ZNF607: variants seen among roughly 807,000 people sequenced by gnomAD.
The protein encoded by ZNF607 is zinc finger protein 607.
Under a neutral mutation model 12.8 loss-of-function variants are expected in ZNF607, and 5 were observed. The ratio of observed to expected loss-of-function variants is 0.39; its 90% confidence interval spans 0.20 to 0.82. ZNF607 has a LOEUF of 0.82. Ranked by LOEUF, ZNF607 falls within the 40% of genes least tolerant of loss-of-function variation. ZNF607 has a pLI of 0.39. For missense variants in ZNF607, 851 were observed against 859.2 expected (o/e 0.99, Z 0.12); for synonymous variants, 287 against 276.2 (o/e 1.04, Z -0.39).
At position 37,699,129 on chromosome 19, in the gene ZNF607, C is replaced by G. The variant is rs369953157; in HGVS notation, c.1002G>C (p.Glu334Asp). 5.0e-6 allele frequency: 8 copies of G among 1,614,032 alleles called. No individual in the cohort carries two copies. In the African/African-American group the frequency reaches 1.1e-4, roughly 22 times the overall value. Residue 334 changes from glutamate (E) to aspartate (D), a missense_variant, in exon 5 of 5, where the codon GAG becomes GAC. Glu to Asp is a conservative substitution (Grantham distance 45). Transcript: ENST00000355202. ...LTMHQRIYSG[E>D]KHYECKENGE... ...CATTTTCTTTACATTCATAGTGTTT[C>G]TCCCCTGAATAAATTCTCTGATGCA...
chr19:37,705,017 GCAAATCAAACC>G (rs1279643219), intron 4 of ZNF607, among the ~76,000 whole-genome samples: 1 of 151,332 alleles, frequency 6.6e-6, no homozygotes, highest in Non-Finnish European at 1.5e-5. Context: ...AAAAAGAGGA[GCAAATCAAACC>G]CAAAGCAAGA....
At chr19:37,706,411 G>A (rs928649283) in intron 4 of ZNF607, 3 of 152,444 alleles carry the variant, frequency 2.0e-5, no homozygotes, top group South Asian at 4.2e-4. Flanking sequence ...GTTCGTCTGC[G>A]TAGGAGTTAG....
chr19:37,699,819 A>T lies in ZNF607; in HGVS notation c.312T>A (p.His104Gln), dbSNP rs2045023167. Residue 104 changes from histidine (H) to glutamine (Q), a missense_variant, in exon 5 of 5, where the codon CAT (histidine) becomes CAA (glutamine). By Grantham distance (24) the His-to-Gln change is conservative (BLOSUM62 0). Transcript: ENST00000355202. ...LYRKHSCVTL[H>Q]QRIHNGQKPY... ...GTTTCTGTCCATTATGAATTCTCTG[A>T]TGGAGAGTAACACATGAGTGTTTCC... 1 of 1,613,874 alleles carries T rather than the reference A, an allele frequency of 6.2e-7. No homozygotes were observed. Among genetic ancestry groups the T allele is most frequent in the African/African-American group, 1.3e-5 (1 of 75,060 alleles).
In ZNF607 at chr19:37,719,426, C is replaced by T. The variant is rs1399206871; in HGVS notation, c.-232G>A. ...GAGGAGGCGGGAGACTCGCCCGGCC[C>T]GCCTGGGGGCCTCCGCGCTCTGAGC... On this transcript the variant is annotated 5_prime_UTR_variant, in exon 1 of 5. Coordinates refer to ENST00000355202, the MANE Select transcript of ZNF607 (RefSeq NM_032689.5). The T allele has an allele frequency of 6.6e-6, 1 of 152,646 alleles. No homozygotes were observed. Among genetic ancestry groups the T allele is most frequent in the Non-Finnish European group, 1.5e-5 (1 of 68,102 alleles). 9.5% of individuals were successfully genotyped at this position (152,646 alleles called of 1,614,324 possible). A position where few individuals can be genotyped will look rare whatever the true frequency, so the allele number is the denominator to read the frequency against.
rs1295381829 is a variant in ZNF607, at chr19:37,696,832, G to A, written c.*1208C>T. On this transcript the variant is annotated 3_prime_UTR_variant, in exon 5 of 5. Coordinates refer to ENST00000355202, the MANE Select transcript of ZNF607 (RefSeq NM_032689.5). Reference sequence around the variant, plus strand: ...GGCCGCCTTTTCCACCACAAATCTGGCGCTCTCTGCTTCCTGGGGGGCCAC... The same window carrying A: ...GGCCGCCTTTTCCACCACAAATCTGACGCTCTCTGCTTCCTGGGGGGCCAC... 7.3e-6 allele frequency: 7 copies of A among 957,452 alleles called. No individual in the cohort carries two copies. The highest frequency in any genetic ancestry group is 1.0e-5 in the Non-Finnish European group (6 of 602,138). The allele number at this position is 957,452 out of a possible 1,614,324, so 59.3% of individuals were successfully genotyped here.
chr19:37,708,408 C>A (rs1342787054), intron 3 of ZNF607, among the ~76,000 whole-genome samples: 1 of 151,624 alleles, frequency 6.6e-6, no homozygotes, highest in Non-Finnish European at 1.5e-5. Flanking sequence ...GTTGGCCAGG[C>A]TGGTCTCGAA....
rs369953157 is a variant in ZNF607, at chr19:37,699,129, C to A, written c.1002G>T (p.Glu334Asp). The stretch of plus-strand genomic sequence containing the variant: ...CATTTTCTTTACATTCATAGTGTTT[C>A]TCCCCTGAATAAATTCTCTGATGCA... ...LTMHQRIYSGEKHYECKENGE... is the reference protein window; with the variant it reads ...LTMHQRIYSGDKHYECKENGE... Residue 334 changes from glutamate to aspartate, a missense_variant, in exon 5 of 5, where the codon GAG becomes GAT. Coordinates refer to ENST00000355202, the MANE Select transcript of ZNF607 (RefSeq NM_032689.5). The A allele has an allele frequency of 1.1e-5, 18 of 1,614,150 alleles. No individual in the cohort carries two copies. Among genetic ancestry groups the A allele is most frequent in the Non-Finnish European group, 1.5e-5 (18 of 1,180,008 alleles).
Position 37,709,510 on chromosome 19 carries a change from G to C in ZNF607, c.136+186C>G, listed in dbSNP as rs149639422. ...GAGGTGTGAATGTCACTGAAAGATA[G>C]AGAAGATGAAAGTGTTGAAAGGACC... On this transcript the variant is annotated intron_variant, in intron 3 of 4. Transcript: ENST00000355202. Among the ~76,000 whole-genome samples, 21 of 152,294 alleles carry C rather than the reference G, an allele frequency of 1.4e-4. No homozygotes were observed. The East Asian group carries it at 4.0e-3, about 29-fold the overall frequency.
rs921127109 is a variant in ZNF607 at position 37,711,687 on chromosome 19, C to G, written c.-69G>C. On this transcript the variant is annotated 5_prime_UTR_variant, in exon 2 of 5. Coordinates refer to ENST00000355202, the MANE Select transcript of ZNF607 (RefSeq NM_032689.5). ...ACCAGAAGAGCAAAGTCAAAAGAAC[C>G]AAGACCTGAAAGAAGAGAAGACCTT... 8 of 1,539,738 alleles carry G rather than the reference C, an allele frequency of 5.2e-6. No homozygotes were observed. In the African/African-American group the frequency reaches 1.1e-4, roughly 21 times the overall value.
In ZNF607 at chr19:37,698,521, T is replaced by C; in HGVS notation, c.1610A>G (p.Lys537Arg). The C allele has an allele frequency of 6.2e-7, 1 of 1,611,968 alleles. No homozygotes were observed. The highest frequency in any genetic ancestry group is 8.5e-7 in the Non-Finnish European group (1 of 1,178,228). ...AATGAACCTAAAAGACTTCCCGCAT[T>C]TGTTGCATTCAAAGGGTTTCTTACC... is the stretch of plus-strand genomic sequence containing the variant. Reference protein sequence around the residue: ...HSGKKPFECNKCGKSFRFISV... With the variant: ...HSGKKPFECNRCGKSFRFISV... The change falls in exon 5 of 5, where the codon AAA becomes AGA. Residue 537 changes from lysine (K) to arginine (R), a missense_variant. Lys to Arg is a conservative substitution (Grantham distance 26). Transcript: ENST00000355202.
chr19:37,718,894 C>T, intron 1 of ZNF607: 1 of 152,216 alleles, frequency 6.6e-6, no homozygotes, highest in East Asian at 1.9e-4. Context: ...TGTCTGTTAC[C>T]CACTGCAAAA....
chr19:37,697,971 T>C lies in ZNF607; in HGVS notation c.*69A>G. 1 of 1,409,976 alleles carries C rather than the reference T, an allele frequency of 7.1e-7. No individual in the cohort carries two copies. The highest frequency in any genetic ancestry group is 2.3e-5 in the East Asian group (1 of 43,628). The allele number at this position is 1,409,976 out of a possible 1,614,324, so 87.3% of individuals were successfully genotyped here. ...CATTCCACATTGTCTTCATTCAAATTGTTCAGTGGGATAAATCCATTGACA... is the reference window on the plus strand; with the variant it reads ...CATTCCACATTGTCTTCATTCAAATCGTTCAGTGGGATAAATCCATTGACA... On this transcript the variant is annotated 3_prime_UTR_variant, in exon 5 of 5. Coordinates refer to ENST00000355202, the MANE Select transcript of ZNF607 (RefSeq NM_032689.5).
At chr19:37,704,968 C>CAAACA (rs565445164) in intron 4 of ZNF607, among the ~76,000 whole-genome samples, 482 of 151,480 alleles carry the variant, frequency 3.2e-3, no homozygotes, top group African/African-American at 0.011. Flanking sequence ...AACAAACAAA[C>CAAACA]AAACAAAACA....
Position 37,698,399 on chromosome 19 carries a change from AT to A in ZNF607, c.1731del (p.Tyr578IlefsTer146), listed in dbSNP as rs762974988. The A allele has an allele frequency of 6.2e-7, 1 of 1,614,158 alleles. No individual in the cohort carries two copies. The highest frequency in any genetic ancestry group is 8.5e-7 in the Non-Finnish European group (1 of 1,180,022). On this transcript the variant is annotated frameshift_variant, in exon 5 of 5. Coordinates refer to ENST00000355202, the MANE Select transcript of ZNF607 (RefSeq NM_032689.5). LOFTEE classifies it low-confidence loss of function (END_TRUNC). ...GKAFRHATSL[I>X]YHDRTHAGEK... ...TCACCAGCATGAGTTCGGTCATGAT[AT>A]ATGAGGCTTGTGGCATGACGAAAGG...
chr19:37,714,910 TTTCTTTC>T (rs1297900174), intron 1 of ZNF607, among the ~76,000 whole-genome samples: 1 of 37,514 alleles, frequency 2.7e-5, no homozygotes, highest in Non-Finnish European at 9.5e-5. Context: ...TTTTTCTTTC[TTTCTTTC>T]TTTTTTTGAA....
chr19:37,711,494 G>A, intron 2 of ZNF607, 116 bp downstream of exon 2: 4 of 1,045,188 alleles, frequency 3.8e-6, no homozygotes, highest in Non-Finnish European at 5.9e-6. Flanking sequence ...GAGAACTGGA[G>A]ATTAGGTTAA....
chr19:37,697,206 A>G lies in ZNF607; in HGVS notation c.*834T>C. On this transcript the variant is annotated 3_prime_UTR_variant, in exon 5 of 5. Transcript: ENST00000355202. Reference sequence around the variant, plus strand: ...ACGTGGTTGAGAACAGCAGTCAAAGATAATTGGTTTTTGTACACATGGGAT... The same window carrying G: ...ACGTGGTTGAGAACAGCAGTCAAAGGTAATTGGTTTTTGTACACATGGGAT... 2.7e-6 allele frequency: 2 copies of G among 734,966 alleles called. No individual in the cohort carries two copies. The highest frequency in any genetic ancestry group is 5.1e-6 in the Non-Finnish European group (2 of 394,468). 45.5% of individuals were successfully genotyped at this position (734,966 alleles called of 1,614,324 possible). A position where few individuals can be genotyped will look rare whatever the true frequency, so the allele number is the denominator to read the frequency against.
intron 4 of ZNF607, chr19:37,706,643 C>G (rs533644995): frequency 6.6e-6 from 1 of 151,630 alleles, no homozygotes; most frequent in East Asian, 1.9e-4. Flanking sequence ...GATTAGCACT[C>G]TCTTCCCCAC....
In ZNF607 at chr19:37,698,659, T is replaced by A; in HGVS notation, c.1472A>T (p.Lys491Ile). 1 of 1,613,452 alleles carries A rather than the reference T, an allele frequency of 6.2e-7. No homozygotes were observed. The highest frequency in any genetic ancestry group is 8.5e-7 in the Non-Finnish European group (1 of 1,179,886). ...ECGKGFSYSH[K>I]LTIHRRVHTG... ...ATGAACTCTGCGATGTATAGTGAGT[T>A]TATGGCTATAACTAAAACCCTTCCC... Residue 491 changes from lysine to isoleucine, a missense_variant, in exon 5 of 5, where the codon AAA becomes ATA. By Grantham distance (102) the Lys-to-Ile change is moderately radical. Transcript: ENST00000355202.
Sources: gnomAD v4.1 joint callset for allele counts (sites outside exome capture counted in the v4.1 genomes callset) on GRCh38, gnomAD v4.1.1 for gene constraint, MANE v1.5 for transcripts, NCBI Gene and HGNC (gene_info 2026-07-23, HGNC 2026-07-21) for gene names.